The following CDKAL1 variants were observed in gnomAD, a reference collection of about 807,000 sequenced individuals.
CDKAL1 encodes threonylcarbamoyladenosine tRNA methylthiotransferase.
In CDKAL1, 32 loss-of-function variants were observed where a neutral mutation model predicts 68.2. The ratio of observed to expected loss-of-function variants is 0.47; its 90% CI spans 0.35 to 0.63. CDKAL1 has a LOEUF of 0.63. CDKAL1 is among the 30% of genes least tolerant of loss of function. CDKAL1 has a pLI of 0.00. For missense variants in CDKAL1, 606 were observed against 696.7 expected (o/e 0.87, Z 1.47); for synonymous variants, 234 against 244.3 (o/e 0.96, Z 0.39).
At chr6:20,563,330 A>T (rs1764338500) in intron 4 of CDKAL1, among the ~76,000 whole-genome samples, 1 of 152,214 alleles carries the variant, frequency 6.6e-6, no homozygotes, top group Non-Finnish European at 1.5e-5. Flanking sequence ...AAAATCACTG[A>T]ACAATACAAA....
chr6:21,202,989 G>C (rs1778750598), intron 15 of CDKAL1, among the ~76,000 whole-genome samples: 1 of 152,058 alleles, frequency 6.6e-6, no homozygotes, highest in Admixed American at 6.6e-5. Flanking sequence ...GAGGCCAGTG[G>C]GGTAGGAATA....
intron 9 of CDKAL1, among the ~76,000 whole-genome samples, chr6:20,942,315 A>C (rs536142335): frequency 6.6e-6 from 1 of 151,070 alleles, no homozygotes; most frequent in Non-Finnish European, 1.5e-5. Flanking sequence ...TTTTGCATCA[A>C]GTGTAAACCC....
chr6:21,161,978 T>C (rs1380589563), intron 13 of CDKAL1, among the ~76,000 whole-genome samples: 1 of 152,188 alleles, frequency 6.6e-6, no homozygotes, highest in Non-Finnish European at 1.5e-5. Flanking sequence ...CAAGTGCCTA[T>C]TGTGCCTAGC....
At chr6:20,704,220 A>G (rs1161955250) in intron 5 of CDKAL1, among the ~76,000 whole-genome samples, 2 of 152,196 alleles carry the variant, frequency 1.3e-5, no homozygotes, top group Non-Finnish European at 2.9e-5. Flanking sequence ...GGGGATCGAT[A>G]ATAGCAATGA....
intron 4 of CDKAL1, among the ~76,000 whole-genome samples, chr6:20,581,620 G>A (rs1287285556): frequency 6.6e-6 from 1 of 152,070 alleles, no homozygotes; most frequent in African/African-American, 2.4e-5. Flanking sequence ...AGTGTGACAG[G>A]CAAAAGGGTC....
chr6:20,869,602 T>C (rs1469731560), intron 9 of CDKAL1, among the ~76,000 whole-genome samples: 2 of 152,112 alleles, frequency 1.3e-5, no homozygotes, highest in Non-Finnish European at 2.9e-5. Flanking sequence ...ATGGGTAAAA[T>C]GGCTAAAAAC....
intron 5 of CDKAL1, among the ~76,000 whole-genome samples, chr6:20,682,551 CAAT>C (rs1770427529): frequency 6.9e-6 from 1 of 144,998 alleles, no homozygotes; most frequent in Non-Finnish European, 1.5e-5. Flanking sequence ...CACTTTTAAA[CAAT>C]GAGATCTCGT....
intron 10 of CDKAL1, among the ~76,000 whole-genome samples, chr6:20,981,875 C>G: frequency 6.6e-6 from 1 of 152,146 alleles, no homozygotes; most frequent in South Asian, 2.1e-4. Context: ...GTCCCCATCA[C>G]TCTCCTTCCT....
chr6:20,936,273 C>T (rs867219124), intron 9 of CDKAL1, among the ~76,000 whole-genome samples: 18 of 92,496 alleles, frequency 1.9e-4, no homozygotes, highest in South Asian at 7.8e-4. Flanking sequence ...TTTTTTGAGA[C>T]GGAGTCTCGC....
In CDKAL1 at chr6:20,780,670, CTTTTTTT is replaced by C. The variant is rs1223553462; in HGVS notation, c.518-460_518-454del. 3.1e-4 allele frequency among the ~76,000 whole-genome samples: 12 copies of C among 38,192 alleles called. 1 individual carries two copies. Among genetic ancestry groups the C allele is most frequent in the Admixed American group, 1.4e-3 (5 of 3,610 alleles). 25.1% of individuals were successfully genotyped at this position (38,192 alleles called of 152,430 possible). ...TTCTTGTTTTTTTTCATTTCTTTTT[CTTTTTTT>C]TTTTTTTTTTTTTTGAGATGGAGTC... On this transcript the variant is annotated intron_variant, in intron 7 of 15. Coordinates refer to ENST00000274695, the MANE Select transcript of CDKAL1 (RefSeq NM_017774.3).
At chr6:20,620,476 A>T (rs1013347505) in intron 4 of CDKAL1, among the ~76,000 whole-genome samples, 2 of 152,188 alleles carry the variant, frequency 1.3e-5, no homozygotes, top group African/African-American at 4.8e-5. Flanking sequence ...TATTATCCAC[A>T]TAAGATAGAT....
At chr6:20,797,406 A>G (rs1049184718) in intron 8 of CDKAL1, among the ~76,000 whole-genome samples, 3 of 152,254 alleles carry the variant, frequency 2.0e-5, no homozygotes, top group Admixed American at 6.5e-5. Flanking sequence ...GAGATGCTAA[A>G]TGGTACAGCC....
intron 15 of CDKAL1, among the ~76,000 whole-genome samples, chr6:21,222,438 G>A (rs538029331): frequency 8.5e-5 from 13 of 152,262 alleles, no homozygotes; most frequent in African/African-American, 2.4e-4. Flanking sequence ...GGAAAGGAGC[G>A]ATTAATTCCA....
intron 13 of CDKAL1, among the ~76,000 whole-genome samples, chr6:21,185,708 T>A (rs559588494): frequency 6.6e-6 from 1 of 152,150 alleles, no homozygotes; most frequent in East Asian, 1.9e-4. Flanking sequence ...GAATTTCAAT[T>A]TGGCTTCATT....
chr6:20,803,662 GA>G (rs747439695), intron 8 of CDKAL1, among the ~76,000 whole-genome samples: 11 of 152,288 alleles, frequency 7.2e-5, no homozygotes, highest in Admixed American at 2.0e-4. Flanking sequence ...ATAGGGACAA[GA>G]TAGTATCTTT....
intron 15 of CDKAL1, among the ~76,000 whole-genome samples, chr6:21,215,035 G>A (rs1203823962): frequency 6.6e-6 from 1 of 152,218 alleles, no homozygotes; most frequent in African/African-American, 2.4e-5. Context: ...CCACAGAACT[G>A]CAGTGGGGCT....
intron 5 of CDKAL1, among the ~76,000 whole-genome samples, chr6:20,663,064 T>C (rs1769360774): frequency 6.6e-6 from 1 of 152,150 alleles, no homozygotes; most frequent in East Asian, 1.9e-4. Context: ...ACATGCACTT[T>C]CCCCCACAAA....
chr6:20,646,267 G>T (rs1010116388), intron 4 of CDKAL1, among the ~76,000 whole-genome samples: 1 of 151,624 alleles, frequency 6.6e-6, no homozygotes, highest in East Asian at 1.9e-4. Flanking sequence ...ATCTTGGTCA[G>T]GCTGGTCTTG....
intron 13 of CDKAL1, among the ~76,000 whole-genome samples, chr6:21,171,416 G>T (rs1460606672): frequency 6.6e-6 from 1 of 152,004 alleles, no homozygotes; most frequent in African/African-American, 2.4e-5. Flanking sequence ...GGTTCACCAT[G>T]TTAGCCAGGC....
Sources: gnomAD v4.1 joint callset for allele counts (sites outside exome capture counted in the v4.1 genomes callset) on GRCh38, gnomAD v4.1.1 for gene constraint, MANE v1.5 for transcripts, NCBI Gene and HGNC (gene_info 2026-07-23, HGNC 2026-07-21) for gene names.